The following DEFB110 variants were observed in gnomAD, a reference collection of about 807,000 sequenced individuals.
The protein encoded by DEFB110 is defensin beta 110, also known as beta-defensin 110.
DEFB110 carries 4 observed loss-of-function variants against 2.5 expected under a neutral mutation model. The ratio of observed to expected loss-of-function variants is 1.60; its 90% confidence interval spans 0.79 to 3.66. DEFB110 has a LOEUF of 3.66. DEFB110 is among the 30% of genes most tolerant of loss of function. DEFB110 has a pLI of 0.01. For missense variants in DEFB110, 94 were observed against 75.4 expected (o/e 1.25, Z -0.91); for synonymous variants, 29 against 21.8 (o/e 1.33, Z -0.92).
At chr6:50,012,733 A>G (rs1357879952) in intron 1 of DEFB110, among the ~76,000 whole-genome samples, 1 of 151,950 alleles carries the variant, frequency 6.6e-6, no homozygotes, top group Non-Finnish European at 1.5e-5. Flanking sequence ...CTGTTAAATG[A>G]AGAGAATGCT....
chr6:50,013,823 T>C (rs1470518878), intron 1 of DEFB110, among the ~76,000 whole-genome samples: 1 of 151,810 alleles, frequency 6.6e-6, no homozygotes, highest in Non-Finnish European at 1.5e-5. Flanking sequence ...GAAATGACAA[T>C]GTTTTGGCCT....
intron 1 of DEFB110, among the ~76,000 whole-genome samples, chr6:50,012,759 A>G (rs2113937988): frequency 6.6e-6 from 1 of 152,028 alleles, no homozygotes; most frequent in East Asian, 1.9e-4. Context: ...TGTGATTCAT[A>G]CAACACACAT....
exon 2 of DEFB110, chr6:50,009,213 T>C (rs1774184998): frequency 1.2e-6 from 2 of 1,609,070 alleles, no homozygotes; most frequent in South Asian, 2.2e-5. Context: ...ACGTTTTACA[T>C]ATTCCTCTCA....
At chr6:50,020,373 A>AT (rs1215977730) in intron 1 of DEFB110, among the ~76,000 whole-genome samples, 1 of 151,550 alleles carries the variant, frequency 6.6e-6, no homozygotes, top group African/African-American at 2.4e-5. Flanking sequence ...CCAAGTCAAA[A>AT]TTTTTTTATT....
chr6:50,016,591 G>A (rs945884354), downstream of DEFB110, among the ~76,000 whole-genome samples: 1 of 151,612 alleles, frequency 6.6e-6, no homozygotes, highest in African/African-American at 2.4e-5. Flanking sequence ...TTAGACAAAT[G>A]TAAATTCTGG....
At chr6:50,011,148 A>C (rs1774221252) in intron 1 of DEFB110, among the ~76,000 whole-genome samples, 1 of 151,460 alleles carries the variant, frequency 6.6e-6, no homozygotes, top group African/African-American at 2.4e-5. Context: ...TGTTATGAAA[A>C]TTGATACGTA....
intron 1 of DEFB110, among the ~76,000 whole-genome samples, chr6:50,011,118 A>G (rs1774220408): frequency 6.6e-6 from 1 of 151,688 alleles, no homozygotes; most frequent in South Asian, 2.1e-4. Context: ...ATTATGAATG[A>G]AAATAACATC....
chr6:50,012,881 A>G (rs1774249848), intron 1 of DEFB110, among the ~76,000 whole-genome samples: 1 of 151,790 alleles, frequency 6.6e-6, no homozygotes, highest in East Asian at 1.9e-4. Context: ...GGAGATGATG[A>G]CATAGATGAG....
intron 1 of DEFB110, among the ~76,000 whole-genome samples, chr6:50,009,569 T>C (rs1311662304): frequency 6.6e-6 from 1 of 152,188 alleles, no homozygotes; most frequent in South Asian, 2.1e-4. Context: ...TGGTACTTAA[T>C]TATATGTATT....
chr6:50,010,209 G>A (rs1022184406), intron 1 of DEFB110, among the ~76,000 whole-genome samples: 6 of 151,774 alleles, frequency 4.0e-5, no homozygotes, highest in Non-Finnish European at 8.8e-5. Context: ...ATATGTGTCA[G>A]GAAAAAATGA....
At chr6:50,016,757 C>T (rs907323780), downstream of DEFB110, among the ~76,000 whole-genome samples, 10 of 151,508 alleles carry the variant, frequency 6.6e-5, no homozygotes, top group Admixed American at 2.0e-4. Context: ...GGTTGATGCA[C>T]GTAGGTTCAC....
Position 50,018,852 on chromosome 6 carries a change from C to A in DEFB110, c.*125G>T, listed in dbSNP as rs1373619917. ...GACATATGATCACTTCTGAATGGTT[C>A]AACATTAATTTTTATTTAGTTCTTG... On this transcript the variant is annotated 3_prime_UTR_variant, in exon 2 of 2. Coordinates refer to ENST00000371148, the MANE Select transcript of DEFB110 (RefSeq NM_001037497.2). 2 of 1,432,770 alleles carry A rather than the reference C, an allele frequency of 1.4e-6. No individual in the cohort carries two copies. The highest frequency in any genetic ancestry group is 1.8e-6 in the Non-Finnish European group (2 of 1,099,612). The allele number at this position is 1,432,770 out of a possible 1,614,324, so 88.8% of individuals were successfully genotyped here.
At chr6:50,010,326 G>T (rs950608292) in intron 1 of DEFB110, among the ~76,000 whole-genome samples, 8 of 151,752 alleles carry the variant, frequency 5.3e-5, no homozygotes, top group African/African-American at 1.9e-4. Context: ...AATCGAATTG[G>T]AATTTAGAAA....
At chr6:50,009,157 C>G in exon 2 of DEFB110, 1 of 1,610,328 alleles carries the variant, frequency 6.2e-7, no homozygotes, top group Non-Finnish European at 8.5e-7. Context: ...GCACTGACTT[C>G]TCCATTTAAT....
chr6:50,019,534 T>C (rs1216981091), intron 1 of DEFB110, among the ~76,000 whole-genome samples: 2 of 152,128 alleles, frequency 1.3e-5, no homozygotes, highest in South Asian at 4.1e-4. Flanking sequence ...ATTTTCACTG[T>C]AGCTTGATTT....
At chr6:50,009,319 T>C in intron 1 of DEFB110, 4 of 1,533,442 alleles carry the variant, frequency 2.6e-6, no homozygotes, top group Non-Finnish European at 3.5e-6. Flanking sequence ...TATTGATTTG[T>C]GGGTTTTCTT....
At chr6:50,019,850 C>G (rs1469186134) in intron 1 of DEFB110, among the ~76,000 whole-genome samples, 1 of 151,876 alleles carries the variant, frequency 6.6e-6, no homozygotes, top group Non-Finnish European at 1.5e-5. Context: ...AAACTATTGT[C>G]AGGGAGCCAA....
At chr6:50,009,231 G>A (rs780790692) in exon 2 of DEFB110, 37 of 1,606,630 alleles carry the variant, frequency 2.3e-5, no homozygotes, top group East Asian at 6.7e-5. Context: ...TCACTTTTTC[G>A]CATCTTTCAA....
Position 50,009,185 on chromosome 6 carries a change from A to G in DEFB110, c.142T>C (p.Tyr48His), listed in dbSNP as rs529151883. 218 of 1,610,960 alleles carry G rather than the reference A, an allele frequency of 1.4e-4. 6 individuals are homozygous for G. The South Asian group carries it at 2.3e-3, about 17-fold the overall frequency. Residue 48 changes from tyrosine to histidine, a missense_variant, in exon 2 of 2, where the codon TAT becomes CAT. By Grantham distance (83) the Tyr-to-His change is moderately conservative (BLOSUM62 2). Transcript: ENST00000393660. ...CATTTAATGCAGTATCCATAATCAT[A>G]CTCAACATCATCACAAAACGTTTTA...
Sources: gnomAD v4.1 joint callset for allele counts (sites outside exome capture counted in the v4.1 genomes callset) on GRCh38, gnomAD v4.1.1 for gene constraint, MANE v1.5 for transcripts, NCBI Gene and HGNC (gene_info 2026-07-23, HGNC 2026-07-21) for gene names.